Variants in PUS3 observed in about 807,000 individuals in gnomAD.
PUS3 encodes pseudouridine synthase 3.
In PUS3, 36 loss-of-function variants were observed where a neutral mutation model predicts 43.3. The ratio of observed to expected loss-of-function variants is 0.83; its 90% confidence interval spans 0.64 to 1.10. The LOEUF (loss-of-function observed/expected upper bound fraction) is 1.10. Ranked by LOEUF, PUS3 falls within the 50% of genes least tolerant of loss-of-function variation. PUS3 has a pLI of 0.00. For synonymous variants in PUS3, 183 were observed against 199.2 expected, an observed-to-expected ratio of 0.92 and a Z score of 0.69; for missense variants, 544 against 589.9, an observed-to-expected ratio of 0.92 and a Z score of 0.81.
intron 1 of PUS3, among the ~76,000 whole-genome samples, chr11:125,898,080 G>A (rs1242452844): frequency 1.3e-5 from 2 of 152,018 alleles, no homozygotes; most frequent in Non-Finnish European, 2.9e-5. Context: ...GTTGTGTAGT[G>A]TTGTCCTTTA....
rs775902307 is a variant in PUS3, at chr11:125,896,167, T to C, written c.118A>G (p.Asn40Asp). 3 of 1,614,234 alleles carry C rather than the reference T, an allele frequency of 1.9e-6. No individual in the cohort carries two copies. The highest frequency in any genetic ancestry group is 1.7e-6 in the Non-Finnish European group (2 of 1,180,032). Residue 40 changes from asparagine (N) to aspartate (D), a missense_variant, in exon 2 of 4, where the codon AAC becomes GAC. By Grantham distance (23) the Asn-to-Asp change is conservative. Coordinates refer to ENST00000227474, the MANE Select transcript of PUS3 (RefSeq NM_031307.4). The stretch of plus-strand genomic sequence containing the variant: ...GCTCCTGCTGAATTTTCTCTAATGT[T>C]TGAGTCCTCCTTATTTTTGGCCTGT... ...KEQAKNKEDS[N>D]IRENSAGAGK...
intron 1 of PUS3, 71 bp downstream of exon 1, chr11:125,903,099 A>C (rs12290595): frequency 1.4e-6 from 1 of 729,398 alleles, no homozygotes; most frequent in Non-Finnish European, 1.7e-6. Context: ...ACAACCGTTC[A>C]GCAGTGTGTC....
chr11:125,896,393 G>A, intron 1 of PUS3, 63 bp from the exon 2 acceptor site: 1 of 1,101,822 alleles, frequency 9.1e-7, no homozygotes, highest in South Asian at 1.6e-5. Flanking sequence ...TGTTCTAATG[G>A]TATATAAGAT....
chr11:125,900,008 G>C (rs769792969), intron 1 of PUS3: 2 of 1,614,214 alleles, frequency 1.2e-6, no homozygotes, highest in Non-Finnish European at 1.7e-6. Flanking sequence ...AGACCGGGTA[G>C]CCCGGTATTT....
At chr11:125,897,631 C>A (rs190632264) in intron 1 of PUS3, among the ~76,000 whole-genome samples, 1 of 151,838 alleles carries the variant, frequency 6.6e-6, no homozygotes, top group Non-Finnish European at 1.5e-5. Context: ...TTTAAATGCT[C>A]AATTTTACTC....
At position 125,893,558 on chromosome 11, in the gene PUS3, T is replaced by G; in HGVS notation, c.*227A>C. The G allele has an allele frequency of 2.4e-6, 1 of 409,686 alleles. No homozygotes were observed. Among genetic ancestry groups the G allele is most frequent in the East Asian group, 4.0e-5 (1 of 24,844 alleles). The allele number at this position is 409,686 out of a possible 1,614,324, so 25.4% of individuals were successfully genotyped here. ...CCAGGTGTATGTAAATACATCTCCATTTTACGTTCTTTAATCGCTTAATCC... is the reference window on the plus strand; with the variant it reads ...CCAGGTGTATGTAAATACATCTCCAGTTTACGTTCTTTAATCGCTTAATCC... On this transcript the variant is annotated 3_prime_UTR_variant, in exon 4 of 4. Coordinates refer to ENST00000227474, the MANE Select transcript of PUS3 (RefSeq NM_031307.4).
rs1944695435 is a variant in PUS3, at chr11:125,899,551, A to G, written c.-46-3221T>C. On this transcript the variant is annotated intron_variant, in intron 1 of 3. Transcript: ENST00000227474. ...AAGCTTCAGTAGCCCCAGGGAAGCG[A>G]CCTGCTCTTCCTGTGCAACTACAGT... The G allele has an allele frequency of 3.1e-6, 5 of 1,614,138 alleles. No individual in the cohort carries two copies. Among genetic ancestry groups the G allele is most frequent in the Middle Eastern group, 1.6e-4 (1 of 6,062 alleles).
At chr11:125,900,404 C>T in intron 1 of PUS3, 1 of 793,438 alleles carries the variant, frequency 1.3e-6, no homozygotes, top group Non-Finnish European at 2.1e-6. Context: ...ATTGGTCTTT[C>T]CTAGCTATAT....
chr11:125,895,548 A>G lies in PUS3; in HGVS notation c.620T>C (p.Val207Ala). Residue 207 changes from valine to alanine, a missense_variant, in exon 3 of 4, where the codon GTA (valine) becomes GCA (alanine). Physicochemically the swap from Val to Ala is moderately conservative, Grantham distance 64. Transcript: ENST00000227474. ...CTTCTGAGCTGCATAATCCATGGTT[A>G]CAATATCTAAATCAGCACGAGGGAA... ...YFFPRADLDI[V>A]TMDYAAQKYV... is the part of the protein sequence containing the mutation. 6.2e-7 allele frequency: 1 copy of G among 1,614,214 alleles called. No homozygotes were observed. Among genetic ancestry groups the G allele is most frequent in the Non-Finnish European group, 8.5e-7 (1 of 1,180,038 alleles).
In PUS3 at chr11:125,893,494, G is replaced by C. The variant is rs532161443; in HGVS notation, c.*291C>G. ...AACACAACAAATCAGATACTTGCAG[G>C]ATTAGGCTTTAATGAATTTGAATAC... is the stretch of plus-strand genomic sequence containing the variant. On this transcript the variant is annotated 3_prime_UTR_variant, in exon 4 of 4. Coordinates refer to ENST00000227474, the MANE Select transcript of PUS3 (RefSeq NM_031307.4). The C allele has an allele frequency of 4.0e-6, 1 of 251,484 alleles. No homozygotes were observed. Among genetic ancestry groups the C allele is most frequent in the African/African-American group, 2.2e-5 (1 of 44,666 alleles). The allele number at this position is 251,484 out of a possible 1,614,324, so 15.6% of individuals were successfully genotyped here. A position where few individuals can be genotyped will look rare whatever the true frequency, so the allele number is the denominator to read the frequency against.
intron 1 of PUS3, among the ~76,000 whole-genome samples, chr11:125,901,779 T>C (rs1420575756): frequency 6.6e-6 from 1 of 152,116 alleles, no homozygotes; most frequent in Non-Finnish European, 1.5e-5. Flanking sequence ...TTTAAAGACA[T>C]TAGAATATTA....
At position 125,893,599 on chromosome 11, in the gene PUS3, A is replaced by C. The variant is rs1944473924; in HGVS notation, c.*186T>G. ...CGCTTAATCCTTTTGGACCGGGATA[A>C]GAGAATATTTGAAATTTCTTATTAA... On this transcript the variant is annotated 3_prime_UTR_variant, in exon 4 of 4. Coordinates refer to ENST00000227474, the MANE Select transcript of PUS3 (RefSeq NM_031307.4). 5.8e-6 allele frequency: 3 copies of C among 518,840 alleles called. No homozygotes were observed. Among genetic ancestry groups the C allele is most frequent in the Non-Finnish European group, 9.9e-6 (3 of 303,264 alleles). 32.1% of individuals were successfully genotyped at this position (518,840 alleles called of 1,614,324 possible).
intron 1 of PUS3, chr11:125,900,208 T>C (rs1447672554): frequency 1.2e-6 from 2 of 1,614,118 alleles, no homozygotes; most frequent in Non-Finnish European, 1.7e-6. Flanking sequence ...GGGGTGTTCG[T>C]TGTGACCTTG....
At position 125,894,233 on chromosome 11, in the gene PUS3, T is replaced by C. The variant is rs1412437780; in HGVS notation, c.998A>G (p.Lys333Arg). ...VLYDCKFENV[K>R]WIYDQEAQEF... ...CTGAGCCTCCTGGTCATAGATCCAC[T>C]TGACATTTTCAAACTTACAGTCATA... Residue 333 changes from lysine to arginine, a missense_variant, in exon 4 of 4, where the codon AAG (lysine) becomes AGG (arginine). Lys to Arg is a conservative substitution (Grantham distance 26). Transcript: ENST00000227474. 2 of 1,613,074 alleles carry C rather than the reference T, an allele frequency of 1.2e-6. No homozygotes were observed. Among genetic ancestry groups the C allele is most frequent in the Non-Finnish European group, 1.7e-6 (2 of 1,179,172 alleles).
At chr11:125,899,402 G>C in intron 1 of PUS3, 1 of 1,614,206 alleles carries the variant, frequency 6.2e-7, no homozygotes, top group Non-Finnish European at 8.5e-7. Context: ...ACAAATATGG[G>C]CTAATATGGA....
In PUS3 at chr11:125,895,805, A is replaced by G. The variant is rs775453490; in HGVS notation, c.379-16T>C. ...GTGAGATCACCTGTGGAGTTAGACA[A>G]AGATACTGGGTTTTAGAGACACAAA... is the stretch of plus-strand genomic sequence containing the variant. On this transcript the variant is annotated splice_polypyrimidine_tract_variant and intron_variant, in intron 2 of 3. Coordinates refer to ENST00000227474, the MANE Select transcript of PUS3 (RefSeq NM_031307.4). 14 of 1,586,148 alleles carry G rather than the reference A, an allele frequency of 8.8e-6. No homozygotes were observed. In the South Asian group the frequency reaches 1.4e-4, roughly 16 times the overall value.
chr11:125,894,376 C>T lies in PUS3; in HGVS notation c.945-90G>A, dbSNP rs3740902. 1.2e-3 allele frequency: 1,260 copies of T among 1,024,146 alleles called. 17 individuals are homozygous for T. In the East Asian group the frequency reaches 0.024, roughly 20 times the overall value. The allele number at this position is 1,024,146 out of a possible 1,614,324, so 63.4% of individuals were successfully genotyped here. ...TAAGGGTTAGTTGCGTTAAGGGAGC[C>T]GGGTAGGGCGCCACCATTGATGTTA... On this transcript the variant is annotated intron_variant, in intron 3 of 3. Coordinates refer to ENST00000227474, the MANE Select transcript of PUS3 (RefSeq NM_031307.4).
chr11:125,902,992 GAAAAA>G (rs1328071401), intron 1 of PUS3, among the ~76,000 whole-genome samples, 173 bp downstream of exon 1: 2 of 150,758 alleles, frequency 1.3e-5, no homozygotes, highest in Non-Finnish European at 2.9e-5. Context: ...AGGCACAAAA[GAAAAA>G]TACATGGTCT....
chr11:125,896,079 A>G lies in PUS3; in HGVS notation c.206T>C (p.Ile69Thr). 1 of 1,614,216 alleles carries G rather than the reference A, an allele frequency of 6.2e-7. No individual in the cohort carries two copies. The highest frequency in any genetic ancestry group is 8.5e-7 in the Non-Finnish European group (1 of 1,180,036). Residue 69 changes from isoleucine to threonine, a missense_variant, in exon 2 of 4, where the codon ATA becomes ACA. Coordinates refer to ENST00000227474, the MANE Select transcript of PUS3 (RefSeq NM_031307.4). ...CTGGTATCCCCAGCCCATATAGGCT[A>G]TTCTTAGGGCTACGTGTCTTCGGCC... Reference protein sequence around the residue: ...AHGRRHVALRIAYMGWGYQGF... With the variant: ...AHGRRHVALRTAYMGWGYQGF...
Sources: gnomAD v4.1 joint callset for allele counts (sites outside exome capture counted in the v4.1 genomes callset) on GRCh38, gnomAD v4.1.1 for gene constraint, MANE v1.5 for transcripts, NCBI Gene and HGNC (gene_info 2026-07-23, HGNC 2026-07-21) for gene names.